The following GRIK4 variants were observed in gnomAD, a reference collection of about 807,000 sequenced individuals.
GRIK4 encodes glutamate ionotropic receptor kainate type subunit 4.
GRIK4 carries 40 observed loss-of-function variants against 104.9 expected under a neutral mutation model. That is an observed-to-expected ratio of 0.38 (90% CI 0.30 to 0.50). GRIK4 has a LOEUF of 0.50. Ranked by LOEUF, GRIK4 falls within the 20% of genes least tolerant of loss-of-function variation. GRIK4 has a pLI of 0.93. For missense variants in GRIK4, 1,047 were observed against 1,308.1 expected, an observed-to-expected ratio of 0.80 and a Z score of 3.08; for synonymous variants, 485 against 524.9, an observed-to-expected ratio of 0.92 and a Z score of 1.04.
At chr11:120,816,503 A>G (rs1952964759) in intron 5 of GRIK4, among the ~76,000 whole-genome samples, 1 of 152,224 alleles carries the variant, frequency 6.6e-6, no homozygotes, top group East Asian at 1.9e-4. Flanking sequence ...TCAGGAGGAC[A>G]CAGTTCTTAG....
rs369293724 is a variant in GRIK4, at chr11:120,757,184, G to A, written c.83-45509G>A. Reference sequence around the variant, plus strand: ...CCACCAGCCCCACAGAGATACTGCTGGACTCCCTGAAAGCAGCCTCTAGGG... The same window carrying A: ...CCACCAGCCCCACAGAGATACTGCTAGACTCCCTGAAAGCAGCCTCTAGGG... On this transcript the variant is annotated intron_variant, in intron 3 of 20. Coordinates refer to ENST00000527524, the MANE Select transcript of GRIK4 (RefSeq NM_014619.5). Among the ~76,000 whole-genome samples the A allele has an allele frequency of 3.3e-5, 5 of 152,342 alleles. No individual in the cohort carries two copies. The South Asian group carries it at 1.0e-3, about 32-fold the overall frequency.
At chr11:120,731,241 T>C (rs1333412574) in intron 3 of GRIK4, among the ~76,000 whole-genome samples, 2 of 151,674 alleles carry the variant, frequency 1.3e-5, no homozygotes, top group African/African-American at 4.9e-5. Context: ...ATGTCTCTTC[T>C]ATACCTGTTT....
chr11:120,719,391 A>T (rs1361067757), intron 3 of GRIK4, among the ~76,000 whole-genome samples: 6 of 152,128 alleles, frequency 3.9e-5, no homozygotes, highest in African/African-American at 1.4e-4. Context: ...GTAGAATATG[A>T]AGGTTTTAGA....
chr11:120,909,473 C>T (rs1252318527), intron 13 of GRIK4, among the ~76,000 whole-genome samples: 1 of 152,168 alleles, frequency 6.6e-6, no homozygotes, highest in Non-Finnish European at 1.5e-5. Flanking sequence ...GGATCCTGCC[C>T]AGACATTGGC....
At chr11:120,813,286 G>A (rs941311937) in intron 4 of GRIK4, among the ~76,000 whole-genome samples, 10 of 152,138 alleles carry the variant, frequency 6.6e-5, no homozygotes, top group East Asian at 5.8e-4. Context: ...GGCACTTCAC[G>A]TCTCTGGGGT....
chr11:120,750,076 CAG>C (rs1951519920), intron 3 of GRIK4, among the ~76,000 whole-genome samples: 1 of 152,146 alleles, frequency 6.6e-6, no homozygotes, highest in Non-Finnish European at 1.5e-5. Flanking sequence ...GGTGAAGAAA[CAG>C]AGGCAGAGAA....
chr11:120,521,849 C>T (rs933654844), intron 1 of GRIK4, among the ~76,000 whole-genome samples: 4 of 152,198 alleles, frequency 2.6e-5, no homozygotes, highest in African/African-American at 7.2e-5. Flanking sequence ...TATTATCTCC[C>T]GCGGGTGGTT....
intron 3 of GRIK4, among the ~76,000 whole-genome samples, chr11:120,686,517 C>T (rs1413706563): frequency 6.6e-6 from 1 of 152,214 alleles, no homozygotes; most frequent in Non-Finnish European, 1.5e-5. Context: ...GGGCCTCACA[C>T]AGTGCCTGTG....
Position 120,530,026 on chromosome 11 carries a change from G to A in GRIK4, c.-159+18139G>A, listed in dbSNP as rs1218686090. On this transcript the variant is annotated intron_variant, in intron 1 of 20. Transcript: ENST00000527524. ...TCCTGGTGGCTCAGTGGCCTGCTTA[G>A]GAGTAAGGGTGCCCCAAGTGTGAGT... is the stretch of plus-strand genomic sequence containing the variant. Among the ~76,000 whole-genome samples, 4 of 152,322 alleles carry A rather than the reference G, an allele frequency of 2.6e-5. No individual in the cohort carries two copies. In the South Asian group the frequency reaches 6.2e-4, roughly 24 times the overall value.
chr11:120,961,102 A>G, intron 17 of GRIK4, 28 bp downstream of exon 17: 1 of 1,600,670 alleles, frequency 6.2e-7, no homozygotes, highest in Non-Finnish European at 8.6e-7. Context: ...GCTCACCAGC[A>G]TCGGGAATTG....
In GRIK4 at chr11:120,794,158, G is replaced by T. The variant is rs999966717; in HGVS notation, c.83-8535G>T. On this transcript the variant is annotated intron_variant, in intron 3 of 20. Coordinates refer to ENST00000527524, the MANE Select transcript of GRIK4 (RefSeq NM_014619.5). Reference sequence around the variant, plus strand: ...GGAAGTTGTTAGGGCTGAGAGCCGGGTGATGGTTACAGGTGAGGGAAGTTG... The same window carrying T: ...GGAAGTTGTTAGGGCTGAGAGCCGGTTGATGGTTACAGGTGAGGGAAGTTG... 3.3e-5 allele frequency among the ~76,000 whole-genome samples: 5 copies of T among 149,356 alleles called. No homozygotes were observed. The South Asian group carries it at 8.4e-4, about 25-fold the overall frequency.
chr11:120,623,305 A>G (rs1017070553), intron 1 of GRIK4, among the ~76,000 whole-genome samples: 1 of 151,358 alleles, frequency 6.6e-6, no homozygotes, highest in Non-Finnish European at 1.5e-5. Context: ...TTTTATTTTT[A>G]TTTTTTTGTA....
At chr11:120,701,012 T>C (rs1950543451) in intron 3 of GRIK4, among the ~76,000 whole-genome samples, 1 of 152,242 alleles carries the variant, frequency 6.6e-6, no homozygotes, top group African/African-American at 2.4e-5. Flanking sequence ...TGTAGGCTTG[T>C]AGCCTAGGAG....
chr11:120,516,318 A>G (rs2136069504), intron 1 of GRIK4, among the ~76,000 whole-genome samples: 1 of 152,230 alleles, frequency 6.6e-6, no homozygotes, highest in South Asian at 2.1e-4. Context: ...AGGGGTGCTC[A>G]GGAATGGGGG....
At chr11:120,640,707 C>CTT (rs1246940986) in intron 1 of GRIK4, among the ~76,000 whole-genome samples, 2 of 145,420 alleles carry the variant, frequency 1.4e-5, no homozygotes. Context: ...AATGATAAAC[C>CTT]TTTTTTTTTT....
At chr11:120,671,153 C>T (rs1443620174) in intron 3 of GRIK4, among the ~76,000 whole-genome samples, 1 of 152,124 alleles carries the variant, frequency 6.6e-6, no homozygotes, top group Non-Finnish European at 1.5e-5. Context: ...AATAGTGCTG[C>T]AGTAAACTTA....
chr11:120,947,047 C>T (rs1000454361), intron 14 of GRIK4, among the ~76,000 whole-genome samples: 2 of 152,120 alleles, frequency 1.3e-5, no homozygotes, highest in South Asian at 2.1e-4. Flanking sequence ...TTTTTCTCTT[C>T]TTAACTCTTA....
chr11:120,587,117 T>A lies in GRIK4; in HGVS notation c.-158-66568T>A, dbSNP rs182914201. Among the ~76,000 whole-genome samples the A allele has an allele frequency of 7.1e-4, 108 of 152,320 alleles. 1 individual carries two copies. The highest frequency in any genetic ancestry group is 2.6e-3 in the African/African-American group (108 of 41,568). ...GTGTCTCTTTCTCTCTCTGTATGCATTACACATGCTTATTTATTAGAGGCG... is the reference window on the plus strand; with the variant it reads ...GTGTCTCTTTCTCTCTCTGTATGCAATACACATGCTTATTTATTAGAGGCG... On this transcript the variant is annotated intron_variant, in intron 1 of 20. Transcript: ENST00000527524.
At chr11:120,654,561 C>T (rs1001425406) in intron 2 of GRIK4, among the ~76,000 whole-genome samples, 2 of 152,064 alleles carry the variant, frequency 1.3e-5, no homozygotes, top group Admixed American at 1.3e-4. Flanking sequence ...CCGGGTTTCA[C>T]CATGTTGGCC....
Sources: allele counts gnomAD v4.1 joint callset (sites outside exome capture counted in the v4.1 genomes callset), GRCh38; gene constraint gnomAD v4.1.1; transcripts MANE v1.5; gene names NCBI Gene and HGNC (gene_info 2026-07-23, HGNC 2026-07-21).